The following PITPNC1 variants were observed in gnomAD, a reference collection of about 807,000 sequenced individuals.
PITPNC1 encodes the protein cytoplasmic phosphatidylinositol transfer protein 1.
In PITPNC1, 18 loss-of-function variants were observed where a neutral mutation model predicts 44.7. The observed-to-expected ratio is 0.40, with a 90% CI of 0.28 to 0.60. The LOEUF is 0.60. Among genes scored for constraint, PITPNC1 ranks in the 20% least tolerant of loss-of-function variants. The pLI, the probability that PITPNC1 is intolerant of heterozygous loss-of-function variation, is 0.39. For missense variants in PITPNC1, 290 were observed against 418.4 expected, an observed-to-expected ratio of 0.69 and a Z score of 2.68; for synonymous variants, 141 against 149.6, an observed-to-expected ratio of 0.94 and a Z score of 0.42.
chr17:67,559,942 C>T (rs2040885545), intron 4 of PITPNC1, among the ~76,000 whole-genome samples: 1 of 152,146 alleles, frequency 6.6e-6, no homozygotes, highest in African/African-American at 2.4e-5. Context: ...GGTGTCATCA[C>T]AGAGCCAGAA....
intron 1 of PITPNC1, among the ~76,000 whole-genome samples, chr17:67,436,171 T>A (rs530812010): frequency 8.6e-5 from 13 of 150,646 alleles, no homozygotes; most frequent in Admixed American, 8.6e-4. Context: ...CAGCTAATTT[T>A]TAAATTTTTT....
rs1203305132 is a variant in PITPNC1 at position 67,676,260 on chromosome 17, T to C, written c.682+718T>C. The stretch of plus-strand genomic sequence containing the variant: ...CTACCCCTCAACAAATATATACAGG[T>C]TCTGCAAGAATTTAAGGGCAGACAG... On this transcript the variant is annotated intron_variant, in intron 8 of 8. Coordinates refer to ENST00000581322, the MANE Select transcript of PITPNC1 (RefSeq NM_012417.4). This position sits in a 1 kb window ranked among gnomAD's most constrained non-coding sequence, Gnocchi z 4.0. 6.6e-6 allele frequency among the ~76,000 whole-genome samples: 1 copy of C among 151,496 alleles called. No homozygotes were observed. Among genetic ancestry groups the C allele is most frequent in the Non-Finnish European group, 1.5e-5 (1 of 67,882 alleles).
At chr17:67,675,026 A>AAT (rs1431462209) in intron 7 of PITPNC1, among the ~76,000 whole-genome samples, 2 of 151,806 alleles carry the variant, frequency 1.3e-5, no homozygotes, top group African/African-American at 2.4e-5. Context: ...AAAAAAAAAA[A>AAT]AAGTGACTTG....
intron 4 of PITPNC1, among the ~76,000 whole-genome samples, chr17:67,556,066 C>T (rs2040835014): frequency 6.6e-6 from 1 of 152,324 alleles, no homozygotes; most frequent in Admixed American, 6.5e-5. Context: ...AAGCTGGCCT[C>T]AGACCTGTCC....
At chr17:67,669,903 C>T (rs1192514119) in intron 7 of PITPNC1, among the ~76,000 whole-genome samples, 3 of 151,954 alleles carry the variant, frequency 2.0e-5, no homozygotes, top group Non-Finnish European at 2.9e-5. Context: ...GAAACCCTGT[C>T]TCTACTAAAA....
At chr17:67,690,120 G>A (rs1422005574) in intron 8 of PITPNC1, among the ~76,000 whole-genome samples, 3 of 152,146 alleles carry the variant, frequency 2.0e-5, no homozygotes, top group African/African-American at 4.8e-5. Context: ...TTCATTTTGT[G>A]AAAAATACTT....
intron 1 of PITPNC1, among the ~76,000 whole-genome samples, chr17:67,407,870 T>C (rs1254875909): frequency 6.6e-6 from 1 of 152,152 alleles, no homozygotes; most frequent in Admixed American, 6.5e-5. Flanking sequence ...GCTGATGTCA[T>C]AGTAAGGTTT....
At chr17:67,529,184 G>A (rs1462729128) in intron 1 of PITPNC1, among the ~76,000 whole-genome samples, 1 of 152,336 alleles carries the variant, frequency 6.6e-6, no homozygotes. Flanking sequence ...CCGGCTGTTG[G>A]TGAATCAGCT....
rs182508946 is a variant in PITPNC1, at chr17:67,621,141, T to G, written c.367-11002T>G. Reference sequence around the variant, plus strand: ...ATGGACCTATATTGAGTTCCCTCCTTGCTGAATTTGGACTACTAGAGTACT... The same window carrying G: ...ATGGACCTATATTGAGTTCCCTCCTGGCTGAATTTGGACTACTAGAGTACT... On this transcript the variant is annotated intron_variant, in intron 5 of 8. Transcript: ENST00000581322. Among the ~76,000 whole-genome samples the G allele has an allele frequency of 3.9e-5, 6 of 151,974 alleles. No homozygotes were observed. The East Asian group carries it at 1.2e-3, about 29-fold the overall frequency.
intron 1 of PITPNC1, among the ~76,000 whole-genome samples, chr17:67,422,648 A>G (rs1300975559): frequency 1.3e-5 from 2 of 152,146 alleles, no homozygotes; most frequent in Non-Finnish European, 1.5e-5. Flanking sequence ...CCCAGGTTCA[A>G]GAGATTCTCC....
intron 1 of PITPNC1, among the ~76,000 whole-genome samples, chr17:67,397,889 C>T (rs530010973): frequency 1.3e-5 from 2 of 152,204 alleles, no homozygotes; most frequent in Admixed American, 6.5e-5. Flanking sequence ...GTCAGGAAAT[C>T]GAGACTATCC....
At chr17:67,434,021 T>C (rs2038897236) in intron 1 of PITPNC1, among the ~76,000 whole-genome samples, 2 of 152,120 alleles carry the variant, frequency 1.3e-5, no homozygotes, top group African/African-American at 2.4e-5. Flanking sequence ...ATGGTCCTGC[T>C]CCTGGGGCTT....
intron 1 of PITPNC1, among the ~76,000 whole-genome samples, chr17:67,519,421 C>T (rs1308746488): frequency 6.6e-6 from 1 of 152,156 alleles, no homozygotes; most frequent in Non-Finnish European, 1.5e-5. Flanking sequence ...AAGTAATCCT[C>T]TTGCCTTGGC....
intron 3 of PITPNC1, among the ~76,000 whole-genome samples, chr17:67,552,594 C>T (rs777139913): frequency 2.6e-4 from 39 of 151,748 alleles, no homozygotes; most frequent in African/African-American, 9.2e-4. Context: ...AAATAGTTTA[C>T]GGAGGGCCAG....
At position 67,425,186 on chromosome 17, in the gene PITPNC1, T is replaced by TGCGCGCGCGCGC. The variant is rs1386197600; in HGVS notation, c.48+46992_48+46993insGCGCGCGCGCGC. On this transcript the variant is annotated intron_variant, in intron 1 of 8. Transcript: ENST00000581322. Reference sequence around the variant, plus strand: ...CCAGGTGAAATAAACAGCCATGTTGTGCGCGCGCACGCACACGCACACACA... The same window carrying TGCGCGCGCGCGC: ...CCAGGTGAAATAAACAGCCATGTTGTGCGCGCGCGCGCGCGCGCGCACGCACACGCACACACA... Among the ~76,000 whole-genome samples, 181 of 55,686 alleles carry TGCGCGCGCGCGC rather than the reference T, an allele frequency of 3.3e-3. 9 individuals are homozygous for TGCGCGCGCGCGC. The highest frequency in any genetic ancestry group is 3.5e-3 in the African/African-American group (46 of 13,144). 36.5% of individuals were successfully genotyped at this position (55,686 alleles called of 152,430 possible).
chr17:67,522,657 A>ATTTTTTTTTTTTTTTTTTTTTTT (rs1219049449), intron 1 of PITPNC1, among the ~76,000 whole-genome samples: 6 of 59,962 alleles, frequency 1.0e-4, no homozygotes, highest in African/African-American at 6.0e-4. Flanking sequence ...TACCATTTTA[A>ATTTTTTTTTTTTTTTTTTTTTTT]TCTTTTTTTT....
At chr17:67,425,152 C>T (rs1598644432) in intron 1 of PITPNC1, among the ~76,000 whole-genome samples, 1 of 150,100 alleles carries the variant, frequency 6.7e-6, no homozygotes, top group Admixed American at 6.7e-5. Context: ...GGACTCAGCC[C>T]GCCTGCACCC....
At chr17:67,539,568 A>G (rs1306509135) in intron 2 of PITPNC1, among the ~76,000 whole-genome samples, 1 of 152,200 alleles carries the variant, frequency 6.6e-6, no homozygotes, top group African/African-American at 2.4e-5. Flanking sequence ...TCCCGGCACG[A>G]TGGCTCACGC....
At chr17:67,605,335 C>G (rs1598877257) in intron 5 of PITPNC1, among the ~76,000 whole-genome samples, 1 of 152,214 alleles carries the variant, frequency 6.6e-6, no homozygotes, top group African/African-American at 2.4e-5. Flanking sequence ...GACAGCTCTG[C>G]AAGTCTTTGT....
Sources: allele counts gnomAD v4.1 joint callset (sites outside exome capture counted in the v4.1 genomes callset), GRCh38; gene constraint gnomAD v4.1.1; non-coding constraint Gnocchi (gnomAD v3.1); transcripts MANE v1.5; gene names NCBI Gene and HGNC (gene_info 2026-07-23, HGNC 2026-07-21).